AFF4: variants seen among roughly 807,000 people sequenced by gnomAD.
The protein encoded by AFF4 is AF4/FMR2 family member 4.
AFF4 carries 13 observed loss-of-function variants against 124.8 expected under a neutral mutation model. That is an observed-to-expected ratio of 0.10 (90% confidence interval 0.07 to 0.17). The LOEUF is 0.17. AFF4 is among the 10% of genes least tolerant of loss of function. AFF4 has a pLI of 1.00. For missense variants in AFF4, 1,092 were observed against 1,403.8 expected (o/e 0.78, Z 3.55); for synonymous variants, 477 against 496.1 (o/e 0.96, Z 0.51).
rs1759950282 is a variant in AFF4, at chr5:132,880,601, C to G, written c.*458G>C. 1 of 363,610 alleles carries G rather than the reference C, an allele frequency of 2.8e-6. No homozygotes were observed. Among genetic ancestry groups the G allele is most frequent in the Non-Finnish European group, 4.9e-6 (1 of 204,408 alleles). 22.5% of individuals were successfully genotyped at this position (363,610 alleles called of 1,614,324 possible). A position where few individuals can be genotyped will look rare whatever the true frequency, so the allele number is the denominator to read the frequency against. On this transcript the variant is annotated 3_prime_UTR_variant, in exon 21 of 21. Coordinates refer to ENST00000265343, the MANE Select transcript of AFF4 (RefSeq NM_014423.4). ...CCAATTCTTACTCTTAGAACAGCTA[C>G]CACAAAAAGATATTAGGTAATAAAG...
chr5:132,924,623 G>A (rs1761126705), intron 5 of AFF4, among the ~76,000 whole-genome samples: 1 of 152,126 alleles, frequency 6.6e-6, no homozygotes, highest in African/African-American at 2.4e-5. Context: ...GGAGGCAAAG[G>A]CAAGTGGATA....
At position 132,927,178 on chromosome 5, in the gene AFF4, T is replaced by C. The variant is rs777923427; in HGVS notation, c.993A>G (p.Leu331=). The C allele has an allele frequency of 1.1e-5, 18 of 1,611,230 alleles. No homozygotes were observed. The highest frequency in any genetic ancestry group is 1.4e-5 in the Non-Finnish European group (17 of 1,179,108). ...KEMTHSWPPP[L]TAIHTPCKTE... Reference sequence around the variant, plus strand: ...TTTTGCATGGTGTATGAATAGCCGTTAGAGGGGGAGGCCATGAATGCGTCA... The same window carrying C: ...TTTTGCATGGTGTATGAATAGCCGTCAGAGGGGGAGGCCATGAATGCGTCA... Residue 331 remains leucine, a synonymous_variant, in exon 5 of 21, where the codon CTA becomes CTG. Coordinates refer to ENST00000265343, the MANE Select transcript of AFF4 (RefSeq NM_014423.4).
intron 1 of AFF4, among the ~76,000 whole-genome samples, chr5:132,961,811 C>G (rs529850969): frequency 5.3e-5 from 8 of 152,130 alleles, no homozygotes; most frequent in Admixed American, 3.9e-4. Flanking sequence ...TAACAAAAAT[C>G]AAAGTACCAG....
chr5:132,904,051 T>A, intron 6 of AFF4: 1 of 201,138 alleles, frequency 5.0e-6, no homozygotes, highest in Non-Finnish European at 1.0e-5. Context: ...AGCTCAGGAG[T>A]TCGAGACCAG....
chr5:132,909,968 G>A (rs1268329016), intron 5 of AFF4, among the ~76,000 whole-genome samples: 6 of 152,198 alleles, frequency 3.9e-5, no homozygotes, highest in Non-Finnish European at 8.8e-5. Context: ...AATACAAAGA[G>A]AAGACAACTT....
intron 1 of AFF4, among the ~76,000 whole-genome samples, chr5:132,956,090 G>C (rs575711362): frequency 6.6e-6 from 1 of 151,956 alleles, no homozygotes; most frequent in South Asian, 2.1e-4. Flanking sequence ...CAGCCACCAA[G>C]TAAATGGGGA....
At chr5:132,950,804 T>A (rs1761826959) in intron 1 of AFF4, among the ~76,000 whole-genome samples, 1 of 152,192 alleles carries the variant, frequency 6.6e-6, no homozygotes, top group Admixed American at 6.5e-5. Flanking sequence ...ACAATTATCC[T>A]CATTTTGCTA....
At chr5:132,942,705 C>T (rs528806747) in intron 1 of AFF4, among the ~76,000 whole-genome samples, 1 of 152,294 alleles carries the variant, frequency 6.6e-6, no homozygotes, top group Non-Finnish European at 1.5e-5. Context: ...CTCAGGTGAT[C>T]CACCCACCTC....
At chr5:132,886,017 C>CT (rs1760109676) in intron 18 of AFF4, among the ~76,000 whole-genome samples, 1 of 152,150 alleles carries the variant, frequency 6.6e-6, no homozygotes, top group Admixed American at 6.5e-5. Flanking sequence ...CGTGATCTGC[C>CT]TGCCTCAGCC....
intron 1 of AFF4, among the ~76,000 whole-genome samples, chr5:132,940,800 G>A (rs984040438): frequency 2.0e-5 from 3 of 152,156 alleles, no homozygotes; most frequent in East Asian, 3.9e-4. Context: ...GCCGAGGCAG[G>A]CGGATGACCT....
chr5:132,885,579 G>C (rs1760099930), intron 18 of AFF4, among the ~76,000 whole-genome samples: 1 of 152,210 alleles, frequency 6.6e-6, no homozygotes, highest in South Asian at 2.1e-4. Context: ...CAGAGGTTTA[G>C]ACAAGGAACA....
chr5:132,947,813 C>T (rs975317262), intron 1 of AFF4, among the ~76,000 whole-genome samples: 1 of 152,134 alleles, frequency 6.6e-6, no homozygotes, highest in African/African-American at 2.4e-5. Context: ...ACCTACAGAT[C>T]AAAGCCAATA....
chr5:132,905,435 A>G (rs1239091734), intron 5 of AFF4, among the ~76,000 whole-genome samples: 2 of 152,274 alleles, frequency 1.3e-5, no homozygotes, highest in Non-Finnish European at 2.9e-5. Flanking sequence ...CTTTAGTTAC[A>G]GAATTGTCTG....
At chr5:132,961,787 T>A (rs1257594330) in intron 1 of AFF4, among the ~76,000 whole-genome samples, 1 of 152,168 alleles carries the variant, frequency 6.6e-6, no homozygotes, top group East Asian at 1.9e-4. Flanking sequence ...ATTTGCCTAC[T>A]GTTTCTAGAG....
intron 1 of AFF4, among the ~76,000 whole-genome samples, chr5:132,946,525 C>G (rs1168527801): frequency 6.6e-6 from 1 of 152,180 alleles, no homozygotes; most frequent in Non-Finnish European, 1.5e-5. Context: ...CTGATACATG[C>G]TACAACATAG....
chr5:132,937,210 A>G lies in AFF4; in HGVS notation c.-4-17T>C, dbSNP rs1761452861. ...TTCATGTTGCTATGAAAAGAAACAC[A>G]ATCTTTGTATCACAGAAATAAAAGG... On this transcript the variant is annotated splice_polypyrimidine_tract_variant and intron_variant, in intron 1 of 20. Coordinates refer to ENST00000265343, the MANE Select transcript of AFF4 (RefSeq NM_014423.4). 6.3e-7 allele frequency: 1 copy of G among 1,594,352 alleles called. No homozygotes were observed. Among genetic ancestry groups the G allele is most frequent in the Admixed American group, 1.7e-5 (1 of 58,358 alleles).
rs1329384482 is a variant in AFF4, at chr5:132,880,873, T to C, written c.*186A>G. ...AAAAGCATTTAAATAATCTTTCACATTGGAAATATTAAAGGGCCAACTGAC... is the reference window on the plus strand; with the variant it reads ...AAAAGCATTTAAATAATCTTTCACACTGGAAATATTAAAGGGCCAACTGAC... On this transcript the variant is annotated 3_prime_UTR_variant, in exon 21 of 21. Coordinates refer to ENST00000265343, the MANE Select transcript of AFF4 (RefSeq NM_014423.4). The C allele has an allele frequency of 2.0e-5, 11 of 539,554 alleles. No individual in the cohort carries two copies. Among genetic ancestry groups the C allele is most frequent in the Admixed American group, 8.1e-5 (2 of 24,560 alleles). 33.4% of individuals were successfully genotyped at this position (539,554 alleles called of 1,614,324 possible).
In AFF4 at chr5:132,877,160, G is replaced by C. The variant is rs1759858371; in HGVS notation, c.*3899C>G. 4.8e-6 allele frequency: 1 copy of C among 207,550 alleles called. No homozygotes were observed. Among genetic ancestry groups the C allele is most frequent in the African/African-American group, 2.3e-5 (1 of 43,850 alleles). 12.9% of individuals were successfully genotyped at this position (207,550 alleles called of 1,614,324 possible). A position where few individuals can be genotyped will look rare whatever the true frequency, so the allele number is the denominator to read the frequency against. On this transcript the variant is annotated 3_prime_UTR_variant, in exon 21 of 21. Coordinates refer to ENST00000265343, the MANE Select transcript of AFF4 (RefSeq NM_014423.4). ...TTTTTAAAAAACATCATCACAAGCT[G>C]CCTAACAGTCATCCCCAGTAGATGT... is the stretch of plus-strand genomic sequence containing the variant.
chr5:132,939,210 C>T (rs1178977747), intron 1 of AFF4, among the ~76,000 whole-genome samples: 1 of 111,164 alleles, frequency 9.0e-6, no homozygotes, highest in Non-Finnish European at 1.8e-5. Context: ...GAACGAGACC[C>T]TTTCTCAAAA....
Sources: gnomAD v4.1 joint callset for allele counts (sites outside exome capture counted in the v4.1 genomes callset) on GRCh38, gnomAD v4.1.1 for gene constraint, MANE v1.5 for transcripts, NCBI Gene and HGNC (gene_info 2026-07-23, HGNC 2026-07-21) for gene names.